IQSEC1: variants seen among roughly 807,000 people sequenced by gnomAD.
The protein encoded by IQSEC1 is IQ motif and Sec7 domain ArfGEF 1.
Under a neutral mutation model 91.0 loss-of-function variants are expected in IQSEC1, and 31 were observed. The ratio of observed to expected loss-of-function variants is 0.34; its 90% CI spans 0.26 to 0.46. The LOEUF is 0.46. Among genes scored for constraint, IQSEC1 ranks in the 20% least tolerant of loss-of-function variants. IQSEC1 has a pLI of 1.00. For synonymous variants in IQSEC1, 699 were observed against 662.6 expected (o/e 1.05, Z -0.84); for missense variants, 1,388 against 1,575.6 (o/e 0.88, Z 2.02).
At chr3:13,013,298 G>A (rs1245041396) in intron 1 of IQSEC1, among the ~76,000 whole-genome samples, 1 of 152,160 alleles carries the variant, frequency 6.6e-6, no homozygotes, top group Non-Finnish European at 1.5e-5. Context: ...CACACGCTGA[G>A]TACAGTCCAG....
rs151192759 is a variant in IQSEC1, at chr3:13,233,390, C to T, written c.272+49321G>A. Among the ~76,000 whole-genome samples the T allele has an allele frequency of 9.8e-3, 1,493 of 152,312 alleles. 9 individuals are homozygous for T. Among genetic ancestry groups the T allele is most frequent in the Non-Finnish European group, 0.016 (1,069 of 68,024 alleles). The stretch of plus-strand genomic sequence containing the variant: ...CCTCACCACTTTGCCTGCTCACTGG[C>T]GGCTGCAGACCGTCCTGGCTTCAGG... On this transcript the variant is annotated intron_variant, in intron 1 of 15. Transcript: ENST00000648114.
intron 12 of IQSEC1, among the ~76,000 whole-genome samples, chr3:12,905,275 C>T (rs1474810410): frequency 1.3e-5 from 2 of 152,270 alleles, no homozygotes; most frequent in East Asian, 3.8e-4. Context: ...GATGATTCTT[C>T]ACAACCTTTT....
intron 1 of IQSEC1, among the ~76,000 whole-genome samples, chr3:13,189,727 C>T (rs115905203): frequency 0.021 from 3,134 of 152,320 alleles, 41 homozygotes; most frequent in Middle Eastern, 0.044. Flanking sequence ...CCTCGCCACT[C>T]TACCCTGCTG....
intron 1 of IQSEC1, among the ~76,000 whole-genome samples, chr3:13,014,480 C>T (rs749573379): frequency 5.3e-5 from 8 of 152,206 alleles, no homozygotes; most frequent in Non-Finnish European, 1.0e-4. Flanking sequence ...CTGTCTGCAG[C>T]GTGGGGGCAG....
At chr3:13,045,759 G>A (rs1303403212) in intron 1 of IQSEC1, among the ~76,000 whole-genome samples, 4 of 152,234 alleles carry the variant, frequency 2.6e-5, no homozygotes, top group African/African-American at 9.6e-5. Context: ...GGTGGGTGGT[G>A]CAGAGGCCAG....
chr3:13,036,923 G>A (rs138138820), intron 1 of IQSEC1, among the ~76,000 whole-genome samples: 11 of 152,346 alleles, frequency 7.2e-5, no homozygotes, highest in African/African-American at 9.6e-5. Context: ...TGCTGAAGGT[G>A]AGGTTGCAAA....
intron 2 of IQSEC1, among the ~76,000 whole-genome samples, chr3:13,092,464 G>T (rs1332685452): frequency 6.6e-6 from 1 of 151,998 alleles, no homozygotes; most frequent in Non-Finnish European, 1.5e-5. Context: ...TCATTCCCTG[G>T]CCACATGTCC....
intron 1 of IQSEC1, among the ~76,000 whole-genome samples, chr3:13,039,971 T>C (rs1259391850): frequency 6.6e-6 from 1 of 152,226 alleles, no homozygotes; most frequent in East Asian, 1.9e-4. Flanking sequence ...TTTCTTCACC[T>C]GGAAAATGGA....
At chr3:13,245,766 C>CAAAAAA (rs60741725) in intron 1 of IQSEC1, among the ~76,000 whole-genome samples, 3 of 114,152 alleles carry the variant, frequency 2.6e-5, no homozygotes, top group African/African-American at 9.0e-5. Context: ...GACCCTGTTT[C>CAAAAAA]AAAAAAAAAA....
chr3:13,003,043 G>A (rs1025597263), intron 1 of IQSEC1, among the ~76,000 whole-genome samples: 1 of 152,096 alleles, frequency 6.6e-6, no homozygotes. Context: ...CATAGTAGTA[G>A]TATTTACAAT....
At chr3:13,102,111 C>T (rs1301384351) in intron 2 of IQSEC1, among the ~76,000 whole-genome samples, 1 of 150,928 alleles carries the variant, frequency 6.6e-6, no homozygotes, top group Non-Finnish European at 1.5e-5. Flanking sequence ...GACCCTGTCT[C>T]TACAAAAAAT....
chr3:13,005,907 T>C (rs890711208), intron 1 of IQSEC1, among the ~76,000 whole-genome samples: 1 of 152,140 alleles, frequency 6.6e-6, no homozygotes, highest in African/African-American at 2.4e-5. Flanking sequence ...TCTGCACACA[T>C]CACAGCACAC....
intron 1 of IQSEC1, among the ~76,000 whole-genome samples, chr3:13,021,368 C>T (rs955560382): frequency 1.3e-5 from 2 of 152,228 alleles, no homozygotes; most frequent in African/African-American, 4.8e-5. Context: ...CACCACCCCC[C>T]ACAGCTGTCC....
At chr3:13,140,947 A>G (rs1412078913) in intron 2 of IQSEC1, among the ~76,000 whole-genome samples, 3 of 152,110 alleles carry the variant, frequency 2.0e-5, no homozygotes, top group Non-Finnish European at 4.4e-5. Context: ...ACTTGTCACC[A>G]GCCAACCCTC....
intron 1 of IQSEC1, among the ~76,000 whole-genome samples, chr3:12,987,417 T>G (rs1158277737): frequency 6.6e-6 from 1 of 152,184 alleles, no homozygotes; most frequent in Non-Finnish European, 1.5e-5. Flanking sequence ...CCTGGGGCCG[T>G]GCATGTGCAC....
At chr3:13,049,132 A>T (rs1704599353) in intron 1 of IQSEC1, among the ~76,000 whole-genome samples, 1 of 152,184 alleles carries the variant, frequency 6.6e-6, no homozygotes, top group Non-Finnish European at 1.5e-5. Flanking sequence ...CAGAACCCAC[A>T]CTGGGCATGG....
At chr3:13,006,197 T>C (rs760848671) in intron 1 of IQSEC1, among the ~76,000 whole-genome samples, 1 of 152,192 alleles carries the variant, frequency 6.6e-6, no homozygotes, top group Non-Finnish European at 1.5e-5. Context: ...AGCTGGGGGC[T>C]ACTTCCCCTC....
intron 1 of IQSEC1, among the ~76,000 whole-genome samples, chr3:13,011,732 G>A (rs1486821547): frequency 6.6e-6 from 1 of 152,228 alleles, no homozygotes; most frequent in African/African-American, 2.4e-5. Context: ...CCCCTGTTCT[G>A]TAGGCATCGG....
At chr3:13,044,911 T>C (rs1704437466) in intron 1 of IQSEC1, among the ~76,000 whole-genome samples, 2 of 152,258 alleles carry the variant, frequency 1.3e-5, no homozygotes, top group South Asian at 4.1e-4. Flanking sequence ...CACAGAGTTC[T>C]GGTAGCAGCG....
Sources: gnomAD v4.1 joint callset for allele counts (sites outside exome capture counted in the v4.1 genomes callset) on GRCh38, gnomAD v4.1.1 for gene constraint, MANE v1.5 for transcripts, NCBI Gene and HGNC (gene_info 2026-07-23, HGNC 2026-07-21) for gene names.